Variants in PIDD1 observed in about 807,000 individuals in gnomAD.
The protein encoded by PIDD1 is p53-induced death domain protein 1.
A neutral mutation model predicts 80.0 loss-of-function variants in PIDD1; 72 were observed. That is an observed-to-expected ratio of 0.90 (90% CI 0.74 to 1.09). The LOEUF (loss-of-function observed/expected upper bound fraction) is 1.09, where lower values mean the gene tolerates loss of function less well. Ranked by LOEUF, PIDD1 falls within the 50% of genes least tolerant of loss-of-function variation. The probability of loss-of-function intolerance (pLI) is 0.00; values close to 1 mark genes in which losing one functional copy is unlikely to be tolerated. For missense variants in PIDD1, 1,329 were observed against 1,228.3 expected (o/e 1.08, Z -1.23); for synonymous variants, 655 against 543.5 (o/e 1.21, Z -2.85).
At chr11:804,637 A>G in intron 1 of PIDD1, 174 bp from the exon 2 acceptor site, 1 of 564,952 alleles carries the variant, frequency 1.8e-6, no homozygotes. Flanking sequence ...CACCACTGGA[A>G]AGAGGGTTGG....
chr11:800,831 C>T lies in PIDD1; in HGVS notation c.1848G>A (p.Val616=), dbSNP rs1196444853. The T allele has an allele frequency of 3.8e-6, 6 of 1,565,712 alleles. No homozygotes were observed. Among genetic ancestry groups the T allele is most frequent in the Non-Finnish European group, 4.3e-6 (5 of 1,155,780 alleles). ...GGCGCCGCTGCAGAGCGATGAGGTT[C>T]ACACGGTGCAGCCGCAGCCGCTCCC... is the stretch of plus-strand genomic sequence containing the variant. ...KAWERLRLHR[V]NLIALQRRRD... is the part of the protein sequence containing the mutation. Residue 616 remains valine (V), a synonymous_variant, in exon 11 of 16, where the codon GTG becomes GTA. Transcript: ENST00000347755.
intron 1 of PIDD1, 40 bp from the exon 2 acceptor site, chr11:804,503 G>A: frequency 6.9e-7 from 1 of 1,446,192 alleles, no homozygotes; most frequent in Non-Finnish European, 9.0e-7. Flanking sequence ...AGCCGGGGTG[G>A]GCCCTTCTCT....
chr11:801,033 A>C lies in PIDD1; in HGVS notation c.1718T>G (p.Leu573Arg). 1 of 1,602,450 alleles carries C rather than the reference A, an allele frequency of 6.2e-7. No homozygotes were observed. The highest frequency in any genetic ancestry group is 8.5e-7 in the Non-Finnish European group (1 of 1,175,072). Residue 573 changes from leucine to arginine, a missense_variant, in exon 10 of 16, where the codon CTG becomes CGG. Transcript: ENST00000347755. Reference sequence around the variant, plus strand: ...GCGTGCGTACAGGTGGGTGAGCTCCAGGACCACCTGAGCTGTGATGTCATC... The same window carrying C: ...GCGTGCGTACAGGTGGGTGAGCTCCCGGACCACCTGAGCTGTGATGTCATC... The part of the protein sequence containing the change: ...TWDDITAQVV[L>R]ELTHLYARFQ...
intron 11 of PIDD1, 48 bp from the exon 12 acceptor site, chr11:800,714 C>T: frequency 6.5e-7 from 1 of 1,550,270 alleles, no homozygotes; most frequent in Non-Finnish European, 8.7e-7. Flanking sequence ...TGCACCCCAC[C>T]CCAGCCCTCT....
intron 2 of PIDD1, 138 bp downstream of exon 2, chr11:803,956 G>T: frequency 1.1e-6 from 1 of 940,940 alleles, no homozygotes; most frequent in Non-Finnish European, 1.6e-6. Context: ...AGGACCAAGA[G>T]CAGAACAGTT....
In PIDD1 at chr11:802,534, ACC is replaced by A. The variant is rs908411454; in HGVS notation, c.974+7_974+8del. On this transcript the variant is annotated splice_region_variant and intron_variant, in intron 5 of 15. Coordinates refer to ENST00000347755, the MANE Select transcript of PIDD1 (RefSeq NM_145886.4). Reference sequence around the variant, plus strand: ...GACTCCCCTCCAGCCCCCTCAACCCACCCCATACCTGTCCAAATCTGAGGTCA... The same window carrying A: ...GACTCCCCTCCAGCCCCCTCAACCCACCATACCTGTCCAAATCTGAGGTCA... 1.1e-5 allele frequency: 17 copies of A among 1,612,394 alleles called. No homozygotes were observed. Among genetic ancestry groups the A allele is most frequent in the Non-Finnish European group, 1.4e-5 (16 of 1,179,338 alleles).
Position 800,851 on chromosome 11 carries a change from GCTC to G in PIDD1, c.1825_1827del (p.Glu609del), listed in dbSNP as rs1865239218. ...AGGTTCACACGGTGCAGCCGCAGCC[GCTC>G]CCAGGCCTTCCGAGCCAGGCCTCCC... On this transcript the variant is annotated inframe_deletion, in exon 11 of 16. Coordinates refer to ENST00000347755, the MANE Select transcript of PIDD1 (RefSeq NM_145886.4). 2 of 1,574,740 alleles carry G rather than the reference GCTC, an allele frequency of 1.3e-6. No individual in the cohort carries two copies. The highest frequency in any genetic ancestry group is 1.9e-5 in the Admixed American group (1 of 53,696).
chr11:804,620 C>G lies in PIDD1; in HGVS notation c.-75-157G>C, dbSNP rs1865651791. 3 of 655,878 alleles carry G rather than the reference C, an allele frequency of 4.6e-6. No individual in the cohort carries two copies. In the South Asian group the frequency reaches 8.3e-5, roughly 18 times the overall value. The allele number at this position is 655,878 out of a possible 1,614,324, so 40.6% of individuals were successfully genotyped here. A position where few individuals can be genotyped will look rare whatever the true frequency, so the allele number is the denominator to read the frequency against. Reference sequence around the variant, plus strand: ...TTGTGGTCACCCTGAACCCCGGAGGCCTGGGTCACCACTGGAAAGAGGGTT... The same window carrying G: ...TTGTGGTCACCCTGAACCCCGGAGGGCTGGGTCACCACTGGAAAGAGGGTT... On this transcript the variant is annotated intron_variant, in intron 1 of 15. Transcript: ENST00000347755.
chr11:802,868 G>C lies in PIDD1; in HGVS notation c.733C>G (p.Leu245Val). 1 of 1,574,696 alleles carries C rather than the reference G, an allele frequency of 6.4e-7. No individual in the cohort carries two copies. Among genetic ancestry groups the C allele is most frequent in the Non-Finnish European group, 8.6e-7 (1 of 1,160,910 alleles). The change falls in exon 4 of 16, where the codon CTT (leucine) becomes GTT (valine). Residue 245 changes from leucine (L) to valine (V), a missense_variant. By Grantham distance (32) the Leu-to-Val change is conservative (BLOSUM62 1). Transcript: ENST00000347755. ...GCCAGGAGGTTGCTGTGCAGGACAA[G>C]GAGCCGCAAGGACCGAAGTCCCGCT... ...SLAGLRSLRL[L>V]VLHSNLLASV...
intron 15 of PIDD1, 109 bp downstream of exon 15, chr11:799,706 C>G (rs1237765833): frequency 7.3e-7 from 1 of 1,374,518 alleles, no homozygotes; most frequent in Non-Finnish European, 9.6e-7. Context: ...CTGGTGTTTG[C>G]CCTTCCCCCA....
Position 800,924 on chromosome 11 carries a change from G to T in PIDD1, c.1767-12C>A. On this transcript the variant is annotated splice_polypyrimidine_tract_variant and intron_variant, in intron 10 of 15. Coordinates refer to ENST00000347755, the MANE Select transcript of PIDD1 (RefSeq NM_145886.4). ...ACCAGAGCCAGTACCTGGGAGAGCT[G>T]GGGGTGAGGAGGGCTGTACAGACTG... 1 of 1,594,998 alleles carries T rather than the reference G, an allele frequency of 6.3e-7. No homozygotes were observed.
upstream of PIDD1, among the ~76,000 whole-genome samples, chr11:808,842 C>T (rs1865914880): frequency 6.6e-6 from 1 of 152,244 alleles, no homozygotes; most frequent in Non-Finnish European, 1.5e-5. Flanking sequence ...CCACAGAAGG[C>T]GACTGTGAAG....
Position 800,577 on chromosome 11 carries a change from A to G in PIDD1, c.2007T>C (p.Phe669=). 1 of 1,572,318 alleles carries G rather than the reference A, an allele frequency of 6.4e-7. No individual in the cohort carries two copies. The highest frequency in any genetic ancestry group is 8.6e-7 in the Non-Finnish European group (1 of 1,156,498). ...TVEMFEGEEF[F]AAFERGIDVD... ...CGTCGATGCCGCGCTCGAAGGCCGC[A>G]AAGAACTCTTCGCCCTCGAACATCT... The change falls in exon 12 of 16, where the codon TTT becomes TTC. Residue 669 remains phenylalanine, a synonymous_variant. Transcript: ENST00000347755.
Position 803,481 on chromosome 11 carries a change from G to A in PIDD1, c.402C>T (p.Phe134=). ...AGGCCGGCAGTGTCTCCAGGCTGTT[G>A]AAGCTCAGGTCCAGGTGGGCCAGAT... The part of the protein sequence containing the change: ...LAHLAHLDLS[F]NSLETLPACV... The change falls in exon 3 of 16, where the codon TTC becomes TTT. Residue 134 remains phenylalanine, a synonymous_variant. Coordinates refer to ENST00000347755, the MANE Select transcript of PIDD1 (RefSeq NM_145886.4). 24 of 1,613,764 alleles carry A rather than the reference G, an allele frequency of 1.5e-5. No homozygotes were observed. The highest frequency in any genetic ancestry group is 2.0e-5 in the Non-Finnish European group (24 of 1,180,018).
chr11:802,015 C>T lies in PIDD1; in HGVS notation c.1252G>A (p.Asp418Asn). 3.7e-6 allele frequency: 6 copies of T among 1,602,798 alleles called. No individual in the cohort carries two copies. Among genetic ancestry groups the T allele is most frequent in the Non-Finnish European group, 5.1e-6 (6 of 1,175,334 alleles). Residue 418 changes from aspartate to asparagine, a missense_variant, in exon 7 of 16, where the codon GAC (aspartate) becomes AAC (asparagine). Coordinates refer to ENST00000347755, the MANE Select transcript of PIDD1 (RefSeq NM_145886.4). ...GTCTCCAGGTCACCCCAGCTGTTGT[C>T]ATTCCGGGTCCTGACCACCACTTCA... The part of the protein sequence containing the change: ...CREVVVRTRN[D>N]NSWGDLETYL...
chr11:799,473 G>A lies in PIDD1; in HGVS notation c.2567C>T (p.Ala856Val), dbSNP rs1362618056. 8 of 1,609,230 alleles carry A rather than the reference G, an allele frequency of 5.0e-6. No individual in the cohort carries two copies. Among genetic ancestry groups the A allele is most frequent in the Non-Finnish European group, 5.1e-6 (6 of 1,179,866 alleles). Residue 856 changes from alanine (A) to valine (V), a missense_variant, in exon 16 of 16, where the codon GCC (alanine) becomes GTC (valine). By Grantham distance (64) the Ala-to-Val change is moderately conservative. Transcript: ENST00000347755. ...GTCCTGCCGGTCACTCTGCTCCAGG[G>A]CCTGCACCAGGAGCCCCACAGCCCC... ...QPGAVGLLVQ[A>V]LEQSDRQDVA...
rs898713067 is a variant in PIDD1, at chr11:800,970, C to T, written c.1766+15G>A. 4 of 1,601,008 alleles carry T rather than the reference C, an allele frequency of 2.5e-6. No homozygotes were observed. The African/African-American group carries it at 4.0e-5, about 16-fold the overall frequency. On this transcript the variant is annotated intron_variant, in intron 10 of 15. Coordinates refer to ENST00000347755, the MANE Select transcript of PIDD1 (RefSeq NM_145886.4). ...GACTGGGGGAGGGGGGCTGAGAAAG[C>T]TGGGGGGCACTGACCAGGAGAAGTG... is the stretch of plus-strand genomic sequence containing the variant.
chr11:808,510 C>T (rs1865896827), upstream of PIDD1, among the ~76,000 whole-genome samples: 1 of 152,162 alleles, frequency 6.6e-6, no homozygotes, highest in Admixed American at 6.6e-5. Context: ...GGGAGGATCG[C>T]TTGAGCCCAT....
In PIDD1 at chr11:804,512, C is replaced by T. The variant is rs1354064354; in HGVS notation, c.-75-49G>A. On this transcript the variant is annotated intron_variant, in intron 1 of 15. Transcript: ENST00000347755. Reference sequence around the variant, plus strand: ...AGCGGGAGCCGGGGTGGGCCCTTCTCTTTGGGGAAACAGGGACTCTGGATG... The same window carrying T: ...AGCGGGAGCCGGGGTGGGCCCTTCTTTTTGGGGAAACAGGGACTCTGGATG... The T allele has an allele frequency of 3.5e-6, 5 of 1,437,084 alleles. No individual in the cohort carries two copies. In the African/African-American group the frequency reaches 4.3e-5, roughly 12 times the overall value. The allele number at this position is 1,437,084 out of a possible 1,614,324, so 89.0% of individuals were successfully genotyped here.
Sources: gnomAD v4.1 joint callset for allele counts (sites outside exome capture counted in the v4.1 genomes callset) on GRCh38, gnomAD v4.1.1 for gene constraint, MANE v1.5 for transcripts, NCBI Gene and HGNC (gene_info 2026-07-23, HGNC 2026-07-21) for gene names.